The following SGPP1 variants were observed in gnomAD, a reference collection of about 807,000 sequenced individuals.
SGPP1 encodes sphingosine-1-phosphate phosphatase 1.
Under a neutral mutation model 33.0 loss-of-function variants are expected in SGPP1, and 21 were observed. The observed-to-expected ratio is 0.64, with a 90% CI of 0.45 to 0.92. The LOEUF is 0.92. Ranked by LOEUF, SGPP1 falls within the 40% of genes least tolerant of loss-of-function variation. The pLI, the probability that SGPP1 is intolerant of heterozygous loss-of-function variation, is 0.00. For synonymous variants in SGPP1, 239 were observed against 241.2 expected, an observed-to-expected ratio of 0.99 and a Z score of 0.08; for missense variants, 543 against 589.4, an observed-to-expected ratio of 0.92 and a Z score of 0.81.
intron 2 of SGPP1, among the ~76,000 whole-genome samples, chr14:63,695,540 T>C (rs1024164476): frequency 1.3e-5 from 2 of 152,216 alleles, no homozygotes; most frequent in South Asian, 2.1e-4. Context: ...ATTTAATACA[T>C]GCTCACTACA....
At chr14:63,719,726 CCTCTCT>C (rs113048516) in intron 1 of SGPP1, among the ~76,000 whole-genome samples, 9,961 of 148,802 alleles carry the variant, frequency 0.067, 607 homozygotes, top group African/African-American at 0.17. Context: ...TGCCTCTCTC[CCTCTCT>C]CTCTCTATAT....
chr14:63,700,860 A>G (rs1885282946), intron 1 of SGPP1, among the ~76,000 whole-genome samples: 1 of 152,160 alleles, frequency 6.6e-6, no homozygotes, highest in African/African-American at 2.4e-5. Context: ...TTTCCTATAG[A>G]TGTGACCCTG....
chr14:63,699,538 C>A (rs114179342), intron 1 of SGPP1, among the ~76,000 whole-genome samples: 1,682 of 151,980 alleles, frequency 0.011, 34 homozygotes, highest in African/African-American at 0.038. Context: ...ATATTTAGTA[C>A]GAAATTGTTG....
chr14:63,720,092 C>G (rs149541654), intron 1 of SGPP1, among the ~76,000 whole-genome samples: 2,456 of 146,204 alleles, frequency 0.017, 55 homozygotes, highest in Middle Eastern at 0.059. Context: ...CACCACTGCA[C>G]TCCAGCCGGG....
chr14:63,696,633 C>T (rs1183555093), intron 2 of SGPP1, among the ~76,000 whole-genome samples: 1 of 152,154 alleles, frequency 6.6e-6, no homozygotes, highest in South Asian at 2.1e-4. Context: ...TGTAAATTCA[C>T]AATTCATATT....
At chr14:63,703,331 A>C (rs1401816087) in intron 1 of SGPP1, among the ~76,000 whole-genome samples, 1 of 152,128 alleles carries the variant, frequency 6.6e-6, no homozygotes, top group African/African-American at 2.4e-5. Flanking sequence ...TGTCCATTGA[A>C]AACTATAAAA....
At position 63,684,269 on chromosome 14, in the gene SGPP1, T is replaced by C. The variant is rs1163620948; in HGVS notation, c.*1836A>G. On this transcript the variant is annotated 3_prime_UTR_variant, in exon 3 of 3. Transcript: ENST00000247225. The stretch of plus-strand genomic sequence containing the variant: ...AAATACATTTAGCATAGAACTGTCA[T>C]AGGACAGAAAATAATAAAACACAAA... The C allele has an allele frequency of 6.6e-6, 1 of 152,130 alleles. No individual in the cohort carries two copies. Among genetic ancestry groups the C allele is most frequent in the Non-Finnish European group, 1.5e-5 (1 of 67,968 alleles). The allele number at this position is 152,130 out of a possible 1,614,324, so 9.4% of individuals were successfully genotyped here. A position where few individuals can be genotyped will look rare whatever the true frequency, so the allele number is the denominator to read the frequency against.
intron 1 of SGPP1, among the ~76,000 whole-genome samples, chr14:63,724,660 C>T (rs1433578951): frequency 2.0e-5 from 3 of 148,082 alleles, no homozygotes; most frequent in Non-Finnish European, 4.4e-5. Flanking sequence ...AAAAGGAGGC[C>T]AGGCGCGGTG....
chr14:63,695,137 A>G (rs893960610), intron 2 of SGPP1, among the ~76,000 whole-genome samples: 1 of 152,040 alleles, frequency 6.6e-6, no homozygotes, highest in South Asian at 2.1e-4. Context: ...GCTCACTGCA[A>G]GCTCCGCCTC....
rs1168166817 is a variant in SGPP1 at position 63,698,628 on chromosome 14, G to C, written c.715C>G (p.Pro239Ala). ...YPLIYGLILI[P>A]CWCSLVCLSR... ...AGGCAAACTAGAGAACACCAGCAGG[G>C]AATAAGAATCAGTCCATATATAAGA... is the stretch of plus-strand genomic sequence containing the variant. The change falls in exon 2 of 3, where the codon CCC becomes GCC. Residue 239 changes from proline to alanine, a missense_variant. Physicochemically the swap from Pro to Ala is conservative, Grantham distance 27. Coordinates refer to ENST00000247225, the MANE Select transcript of SGPP1 (RefSeq NM_030791.4). The C allele has an allele frequency of 1.9e-6, 3 of 1,602,908 alleles. No individual in the cohort carries two copies. Among genetic ancestry groups the C allele is most frequent in the South Asian group, 2.2e-5 (2 of 89,308 alleles).
chr14:63,705,945 G>C (rs1169140130), intron 1 of SGPP1, among the ~76,000 whole-genome samples: 1 of 152,090 alleles, frequency 6.6e-6, no homozygotes, highest in Non-Finnish European at 1.5e-5. Flanking sequence ...ATCCCCCAAA[G>C]AAATGAAAAC....
At chr14:63,690,635 T>A (rs1419741583) in intron 2 of SGPP1, among the ~76,000 whole-genome samples, 3 of 152,208 alleles carry the variant, frequency 2.0e-5, no homozygotes, top group African/African-American at 7.2e-5. Context: ...TCTAGCAGAA[T>A]CTACCAAATT....
At chr14:63,690,658 A>G (rs561387918) in intron 2 of SGPP1, among the ~76,000 whole-genome samples, 18 of 152,338 alleles carry the variant, frequency 1.2e-4, no homozygotes, top group African/African-American at 2.6e-4. Context: ...TTGTAAATGA[A>G]TATCTTTCCT....
chr14:63,704,971 C>T (rs916090402), intron 1 of SGPP1, among the ~76,000 whole-genome samples: 2 of 151,666 alleles, frequency 1.3e-5, no homozygotes, highest in African/African-American at 4.8e-5. Flanking sequence ...ATGAAAAATA[C>T]AAAAAATTAG....
At chr14:63,723,023 C>T (rs1885807176) in intron 1 of SGPP1, among the ~76,000 whole-genome samples, 1 of 149,280 alleles carries the variant, frequency 6.7e-6, no homozygotes, top group Non-Finnish European at 1.5e-5. Flanking sequence ...ATAAAGTATA[C>T]AGTTAAAACT....
At chr14:63,704,857 G>A (rs998039233) in intron 1 of SGPP1, among the ~76,000 whole-genome samples, 2 of 152,152 alleles carry the variant, frequency 1.3e-5, no homozygotes, top group Admixed American at 6.5e-5. Context: ...CGGGTGTGGC[G>A]GCTCAGGCCT....
intron 1 of SGPP1, among the ~76,000 whole-genome samples, chr14:63,703,348 T>C (rs894133181): frequency 6.6e-6 from 1 of 152,004 alleles, no homozygotes; most frequent in Non-Finnish European, 1.5e-5. Context: ...AAAACATTAC[T>C]GAAAGAAATT....
At chr14:63,727,157 AGGC>A (rs1885898624) in intron 1 of SGPP1, 101 bp downstream of exon 1, 8 of 1,443,642 alleles carry the variant, frequency 5.5e-6, no homozygotes, top group Non-Finnish European at 7.3e-6. Context: ...GTGGAAAGAG[AGGC>A]TTTGGAGGGG....
chr14:63,687,302 A>G (rs369600386), intron 2 of SGPP1, among the ~76,000 whole-genome samples: 3 of 152,156 alleles, frequency 2.0e-5, no homozygotes, highest in Admixed American at 6.5e-5. Context: ...TTAGCCAGGT[A>G]TGGTGGCTCC....
Sources: gnomAD v4.1 joint callset for allele counts (sites outside exome capture counted in the v4.1 genomes callset) on GRCh38, gnomAD v4.1.1 for gene constraint, MANE v1.5 for transcripts, NCBI Gene and HGNC (gene_info 2026-07-23, HGNC 2026-07-21) for gene names.